INTS9: variants seen among roughly 807,000 people sequenced by gnomAD.
INTS9 encodes protein related to CPSF subunits of 74 kDa.
A neutral mutation model predicts 79.7 loss-of-function variants in INTS9; 55 were observed. The ratio of observed to expected loss-of-function variants is 0.69; its 90% CI spans 0.56 to 0.86. The LOEUF is 0.86. Among genes scored for constraint, INTS9 ranks in the 40% least tolerant of loss-of-function variants. The probability of loss-of-function intolerance (pLI) is 0.00; values close to 1 mark genes in which losing one functional copy is unlikely to be tolerated. For synonymous variants in INTS9, 319 were observed against 325.2 expected, an observed-to-expected ratio of 0.98 and a Z score of 0.20; for missense variants, 721 against 831.5, an observed-to-expected ratio of 0.87 and a Z score of 1.64.
chr8:28,813,820 G>A, intron 6 of INTS9: 1 of 446,768 alleles, frequency 2.2e-6, no homozygotes, highest in Non-Finnish European at 3.9e-6. Context: ...GAGTGCTATG[G>A]CGCCATCTCG....
In INTS9 at chr8:28,818,275, A is replaced by G. The variant is rs1318569237; in HGVS notation, c.489-4663T>C. 8.2e-3 allele frequency among the ~76,000 whole-genome samples: 1,216 copies of G among 148,612 alleles called. 9 individuals are homozygous for G. Among genetic ancestry groups the G allele is most frequent in the African/African-American group, 0.029 (1,157 of 40,406 alleles). On this transcript the variant is annotated intron_variant, in intron 6 of 16. Transcript: ENST00000521022. ...CCAGTTTTTGCCCATTCAGTATGAT[A>G]TTGGCTGTGGGTTTGTCATAGATAG...
chr8:28,825,173 C>T (rs1206833831), intron 6 of INTS9, among the ~76,000 whole-genome samples: 1 of 152,198 alleles, frequency 6.6e-6, no homozygotes, highest in Non-Finnish European at 1.5e-5. Flanking sequence ...CCTCCTGGGG[C>T]TGCCCTGCAC....
Position 28,793,932 on chromosome 8 carries a change from C to T in INTS9, c.912G>A (p.Val304=). 1 of 1,613,896 alleles carries T rather than the reference C, an allele frequency of 6.2e-7. No individual in the cohort carries two copies. The highest frequency in any genetic ancestry group is 1.1e-5 in the South Asian group (1 of 91,062). ...NVLVPCYPSG[V]IYDLLECLYQ... is the part of the protein sequence containing the mutation. Reference sequence around the variant, plus strand: ...ATAGGCACTCCAGGAGGTCATAGATCACTCCAGAAGGGTAGCAGGGAACCA... The same window carrying T: ...ATAGGCACTCCAGGAGGTCATAGATTACTCCAGAAGGGTAGCAGGGAACCA... The change falls in exon 10 of 17, where the codon GTG becomes GTA. Residue 304 remains valine (V), a synonymous_variant. Transcript: ENST00000521022.
intron 10 of INTS9, among the ~76,000 whole-genome samples, chr8:28,791,571 A>G (rs960658323): frequency 2.0e-5 from 3 of 151,988 alleles, no homozygotes; most frequent in African/African-American, 7.3e-5. Flanking sequence ...TAACCCCCCA[A>G]ATGGGGTCAC....
chr8:28,814,063 CT>C (rs200645161), intron 6 of INTS9, among the ~76,000 whole-genome samples: 130 of 144,386 alleles, frequency 9.0e-4, no homozygotes, highest in African/African-American at 2.8e-3. Context: ...TCAGCCATTT[CT>C]TTTTTTAAAA....
chr8:28,844,202 C>T (rs1022156587), intron 4 of INTS9, among the ~76,000 whole-genome samples: 5 of 152,140 alleles, frequency 3.3e-5, no homozygotes, highest in South Asian at 2.1e-4. Context: ...GAGTGCAAAT[C>T]GTTGTCACGT....
chr8:28,851,945 G>A (rs1807861036), intron 2 of INTS9, among the ~76,000 whole-genome samples: 1 of 152,124 alleles, frequency 6.6e-6, no homozygotes, highest in African/African-American at 2.4e-5. Context: ...GAGGCCAGGT[G>A]TGGTAGCTCA....
At chr8:28,859,686 T>A in intron 1 of INTS9, 123 bp from the exon 2 acceptor site, 1 of 1,094,706 alleles carries the variant, frequency 9.1e-7, no homozygotes. Flanking sequence ...CAGCTAACTT[T>A]CTATGTGGTT....
chr8:28,783,003 T>G (rs1803380430), intron 11 of INTS9, among the ~76,000 whole-genome samples: 1 of 152,062 alleles, frequency 6.6e-6, no homozygotes, highest in African/African-American at 2.4e-5. Context: ...AAAAATTAGC[T>G]GGGCCTGGTG....
At chr8:28,772,076 G>T (rs1355652424) in intron 14 of INTS9, among the ~76,000 whole-genome samples, 1 of 152,158 alleles carries the variant, frequency 6.6e-6, no homozygotes, top group Non-Finnish European at 1.5e-5. Flanking sequence ...TGCCCAGGCT[G>T]GTCTTGAACT....
chr8:28,781,123 A>C (rs1015157326), intron 11 of INTS9, 129 bp from the exon 12 acceptor site: 5 of 675,856 alleles, frequency 7.4e-6, no homozygotes, highest in Admixed American at 2.9e-5. Flanking sequence ...GATTGGGAGA[A>C]AATACCTGCA....
intron 1 of INTS9, among the ~76,000 whole-genome samples, chr8:28,873,144 T>A (rs1466830206): frequency 6.6e-6 from 1 of 152,216 alleles, no homozygotes; most frequent in African/African-American, 2.4e-5. Flanking sequence ...TTGAAAGAAC[T>A]CTCATTAGTT....
Position 28,818,564 on chromosome 8 carries a change from T to C in INTS9, c.489-4952A>G, listed in dbSNP as rs1170973832. ...CTGGATTCGGTTTGCCAGTATTTTA[T>C]TGAGGATTTTTGCATCAATGTTCAT... On this transcript the variant is annotated intron_variant, in intron 6 of 16. Coordinates refer to ENST00000521022, the MANE Select transcript of INTS9 (RefSeq NM_018250.4). Among the ~76,000 whole-genome samples, 446 of 152,204 alleles carry C rather than the reference T, an allele frequency of 2.9e-3. 3 individuals are homozygous for C. The highest frequency in any genetic ancestry group is 0.01 in the African/African-American group (432 of 41,560).
chr8:28,837,175 C>T (rs1240008229), intron 5 of INTS9, among the ~76,000 whole-genome samples: 1 of 152,142 alleles, frequency 6.6e-6, no homozygotes, highest in Non-Finnish European at 1.5e-5. Context: ...ACAACTTAAC[C>T]ATCTATTTAC....
intron 2 of INTS9, among the ~76,000 whole-genome samples, chr8:28,851,112 C>A (rs1807803013): frequency 6.6e-6 from 1 of 152,086 alleles, no homozygotes. Flanking sequence ...CAACAGGATT[C>A]CAAGTTGGAT....
intron 8 of INTS9, chr8:28,796,857 C>A: frequency 4.0e-6 from 2 of 503,576 alleles, no homozygotes; most frequent in Non-Finnish European, 7.2e-6. Context: ...CAAGAGGGAG[C>A]TTTATAAGGG....
chr8:28,793,760 C>T (rs1479990877), intron 10 of INTS9, 47 bp downstream of exon 10: 1 of 1,402,356 alleles, frequency 7.1e-7, no homozygotes. Flanking sequence ...CTTGAATGTC[C>T]TGAATCAAAT....
intron 6 of INTS9, among the ~76,000 whole-genome samples, chr8:28,815,061 T>C (rs1805388509): frequency 6.6e-6 from 1 of 151,948 alleles, no homozygotes; most frequent in African/African-American, 2.4e-5. Context: ...AGGCCTCAAG[T>C]GGGGGCAGAG....
At chr8:28,793,655 C>T in intron 10 of INTS9, 152 bp downstream of exon 10, 1 of 732,024 alleles carries the variant, frequency 1.4e-6, no homozygotes, top group Non-Finnish European at 2.1e-6. Context: ...ACAGATTTGG[C>T]TTTTAATAAT....
Sources: allele counts gnomAD v4.1 joint callset (sites outside exome capture counted in the v4.1 genomes callset), GRCh38; gene constraint gnomAD v4.1.1; transcripts MANE v1.5; gene names NCBI Gene and HGNC (gene_info 2026-07-23, HGNC 2026-07-21).